The following NXPH2 variants were observed in gnomAD, a reference collection of about 807,000 sequenced individuals.
The protein encoded by NXPH2 is neurexophilin 2.
NXPH2 carries 5 observed loss-of-function variants against 19.8 expected under a neutral mutation model. The ratio of observed to expected loss-of-function variants is 0.25; its 90% confidence interval spans 0.13 to 0.53. The LOEUF is 0.53. Among genes scored for constraint, NXPH2 ranks in the 20% least tolerant of loss-of-function variants. The pLI is 0.96. For synonymous variants in NXPH2, 154 were observed against 127.4 expected (o/e 1.21, Z -1.41); for missense variants, 289 against 322.8 (o/e 0.90, Z 0.80).
intron 1 of NXPH2, 32 bp downstream of exon 1, chr2:138,780,159 C>T: frequency 6.8e-7 from 1 of 1,473,706 alleles, no homozygotes; most frequent in South Asian, 1.3e-5. Context: ...GCGTCCCCGG[C>T]GTGTGGGACG....
intron 1 of NXPH2, among the ~76,000 whole-genome samples, chr2:138,775,714 T>C (rs1412802181): frequency 3.9e-5 from 6 of 152,090 alleles, no homozygotes; most frequent in African/African-American, 1.2e-4. Context: ...GTCAATAATA[T>C]AGAAATTAGT....
At chr2:138,718,051 T>C (rs1681219156) in intron 1 of NXPH2, among the ~76,000 whole-genome samples, 2 of 151,884 alleles carry the variant, frequency 1.3e-5, no homozygotes, top group African/African-American at 2.4e-5. Context: ...AAAAATGGGT[T>C]CAGGAAGTTA....
At chr2:138,740,045 A>G (rs201267856) in intron 1 of NXPH2, among the ~76,000 whole-genome samples, 1 of 152,256 alleles carries the variant, frequency 6.6e-6, no homozygotes, top group East Asian at 1.9e-4. Flanking sequence ...CAATGGTGCC[A>G]GTTTTCACAA....
At chr2:138,769,187 G>A (rs1403444967) in intron 1 of NXPH2, among the ~76,000 whole-genome samples, 1 of 152,156 alleles carries the variant, frequency 6.6e-6, no homozygotes, top group Non-Finnish European at 1.5e-5. Context: ...GAATTAAAAA[G>A]GCTCATGTTG....
chr2:138,675,677 AAATT>A (rs1680474659), intron 1 of NXPH2, among the ~76,000 whole-genome samples: 1 of 152,160 alleles, frequency 6.6e-6, no homozygotes, highest in African/African-American at 2.4e-5. Context: ...TCAAACAGAT[AAATT>A]GAGTGTCATT....
At chr2:138,775,272 C>G in intron 1 of NXPH2, among the ~76,000 whole-genome samples, 1 of 152,076 alleles carries the variant, frequency 6.6e-6, no homozygotes, top group East Asian at 1.9e-4. Context: ...GAACCAAACA[C>G]TTGTTTGAGA....
At chr2:138,712,315 G>C (rs749730396) in intron 1 of NXPH2, among the ~76,000 whole-genome samples, 1 of 152,174 alleles carries the variant, frequency 6.6e-6, no homozygotes, top group Non-Finnish European at 1.5e-5. Context: ...TAGTGAGTGT[G>C]GAATCAAACC....
At chr2:138,729,231 G>A (rs541378372) in intron 1 of NXPH2, among the ~76,000 whole-genome samples, 84 of 152,284 alleles carry the variant, frequency 5.5e-4, no homozygotes, top group Middle Eastern at 3.4e-3. Flanking sequence ...GGACCCAGTA[G>A]GAGGTAATTG....
rs1680382334 is a variant in NXPH2 at position 138,669,450 on chromosome 2, C to A, written c.*1472G>T. 6.6e-6 allele frequency among the ~76,000 whole-genome samples: 1 copy of A among 152,076 alleles called. No individual in the cohort carries two copies. The highest frequency in any genetic ancestry group is 2.4e-5 in the African/African-American group (1 of 41,392). On this transcript the variant is annotated 3_prime_UTR_variant, in exon 2 of 2. Coordinates refer to ENST00000272641, the MANE Select transcript of NXPH2 (RefSeq NM_007226.3). ...TACAAAAGACAAAAATTGAACACTG[C>A]AGATATTACCGGTAAAAGGAAAGAA...
intron 1 of NXPH2, among the ~76,000 whole-genome samples, chr2:138,682,086 TC>T (rs1353889922): frequency 6.6e-6 from 1 of 152,138 alleles, no homozygotes; most frequent in Non-Finnish European, 1.5e-5. Flanking sequence ...GACAGTACTG[TC>T]CTATATCCTG....
In NXPH2 at chr2:138,750,633, A is replaced by G. The variant is rs549607233; in HGVS notation, c.51+29558T>C. Among the ~76,000 whole-genome samples, 13 of 152,320 alleles carry G rather than the reference A, an allele frequency of 8.5e-5. No individual in the cohort carries two copies. In the South Asian group the frequency reaches 2.5e-3, roughly 29 times the overall value. On this transcript the variant is annotated intron_variant, in intron 1 of 1. Coordinates refer to ENST00000272641, the MANE Select transcript of NXPH2 (RefSeq NM_007226.3). ...CCTAGGTATTAGAGACACAAAGGTG[A>G]ATAAGACCCAGTCCCTACCTATGAA...
intron 1 of NXPH2, among the ~76,000 whole-genome samples, chr2:138,705,259 T>C (rs1043895348): frequency 1.3e-5 from 2 of 152,186 alleles, no homozygotes; most frequent in African/African-American, 4.8e-5. Context: ...CCACCATGCC[T>C]GGCCAATAAT....
intron 1 of NXPH2, among the ~76,000 whole-genome samples, chr2:138,763,014 A>T (rs1682041510): frequency 6.6e-6 from 1 of 152,258 alleles, no homozygotes; most frequent in African/African-American, 2.4e-5. Flanking sequence ...ATGACTGCTA[A>T]AATCATATCT....
At chr2:138,776,584 C>T (rs1682266238) in intron 1 of NXPH2, among the ~76,000 whole-genome samples, 1 of 150,090 alleles carries the variant, frequency 6.7e-6, no homozygotes, top group Non-Finnish European at 1.5e-5. Context: ...TAATGCACGG[C>T]CAACTCTAAG....
At chr2:138,702,241 T>G (rs987323340) in intron 1 of NXPH2, among the ~76,000 whole-genome samples, 1 of 152,126 alleles carries the variant, frequency 6.6e-6, no homozygotes, top group Non-Finnish European at 1.5e-5. Flanking sequence ...CTCAGCCTTC[T>G]GAGGAGCTGG....
chr2:138,683,276 T>A (rs1348807125), intron 1 of NXPH2, among the ~76,000 whole-genome samples: 1 of 152,164 alleles, frequency 6.6e-6, no homozygotes, highest in Non-Finnish European at 1.5e-5. Flanking sequence ...ATGAGAGACA[T>A]GAGCTTCACA....
chr2:138,701,834 T>C lies in NXPH2; in HGVS notation c.52-30169A>G, dbSNP rs72988912. On this transcript the variant is annotated intron_variant, in intron 1 of 1. Coordinates refer to ENST00000272641, the MANE Select transcript of NXPH2 (RefSeq NM_007226.3). ...TGCCTCATTCATCTGGGGCTCTGGC[T>C]TGCATACGAATCTCCGCTTTGGTAG... 3.6e-3 allele frequency among the ~76,000 whole-genome samples: 541 copies of C among 152,316 alleles called. 3 individuals are homozygous for C. The highest frequency in any genetic ancestry group is 8.8e-3 in the African/African-American group (366 of 41,570).
chr2:138,739,973 T>A (rs1573973232), intron 1 of NXPH2, among the ~76,000 whole-genome samples: 1 of 152,294 alleles, frequency 6.6e-6, no homozygotes, highest in East Asian at 1.9e-4. Context: ...ATTGTTCCCA[T>A]AATAGCTGTG....
chr2:138,688,336 A>G (rs1680693058), intron 1 of NXPH2, among the ~76,000 whole-genome samples: 1 of 152,160 alleles, frequency 6.6e-6, no homozygotes, highest in South Asian at 2.1e-4. Context: ...GGCACGTGCC[A>G]CCACGCCTAA....
Sources: allele counts gnomAD v4.1 joint callset (sites outside exome capture counted in the v4.1 genomes callset), GRCh38; gene constraint gnomAD v4.1.1; transcripts MANE v1.5; gene names NCBI Gene and HGNC (gene_info 2026-07-23, HGNC 2026-07-21).